BMP5: variants seen among roughly 807,000 people sequenced by gnomAD.
BMP5 encodes the protein bone morphogenetic protein 5.
Under a neutral mutation model 46.6 loss-of-function variants are expected in BMP5, and 23 were observed. The observed-to-expected ratio is 0.49, with a 90% confidence interval of 0.35 to 0.70. The LOEUF (loss-of-function observed/expected upper bound fraction) is 0.70, where lower values mean the gene tolerates loss of function less well. Ranked by LOEUF, BMP5 falls within the 30% of genes least tolerant of loss-of-function variation. The pLI is 0.00. For synonymous variants in BMP5, 204 were observed against 191.9 expected, an observed-to-expected ratio of 1.06 and a Z score of -0.52; for missense variants, 545 against 565.6, an observed-to-expected ratio of 0.96 and a Z score of 0.37.
intron 3 of BMP5, among the ~76,000 whole-genome samples, chr6:55,782,175 A>G (rs78292713): frequency 0.077 from 11,673 of 152,248 alleles, 494 homozygotes; most frequent in Middle Eastern, 0.14. Context: ...AATGATGGAT[A>G]TGATAATCAC....
rs1333701679 is a variant in BMP5, at chr6:55,753,857, G to C, written c.*1676C>G. ...TCAAGAACAGCAGAAATTAGCATCT[G>C]TTTAATATATTTTAAAATATGGAAA... On this transcript the variant is annotated 3_prime_UTR_variant, in exon 7 of 7. Transcript: ENST00000370830. 1 of 151,748 alleles carries C rather than the reference G, an allele frequency of 6.6e-6. No homozygotes were observed. The highest frequency in any genetic ancestry group is 1.5e-5 in the Non-Finnish European group (1 of 67,880). The allele number at this position is 151,748 out of a possible 1,614,324, so 9.4% of individuals were successfully genotyped here.
intron 3 of BMP5, among the ~76,000 whole-genome samples, chr6:55,785,418 AT>A (rs771755361): frequency 6.6e-6 from 1 of 151,826 alleles, no homozygotes; most frequent in Non-Finnish European, 1.5e-5. Context: ...CATGAAAGAC[AT>A]TTTGCTCATT....
intron 1 of BMP5, among the ~76,000 whole-genome samples, chr6:55,858,567 A>G (rs1777454743): frequency 6.6e-6 from 1 of 152,246 alleles, no homozygotes; most frequent in South Asian, 2.1e-4. Context: ...ATGGAAATAC[A>G]TAATATTAAT....
At chr6:55,842,429 C>T (rs1776984631) in intron 1 of BMP5, among the ~76,000 whole-genome samples, 1 of 152,146 alleles carries the variant, frequency 6.6e-6, no homozygotes, top group African/African-American at 2.4e-5. Context: ...CTGCTAGGCC[C>T]TGCAGAGTCT....
chr6:55,784,018 G>T (rs963608810), intron 3 of BMP5, among the ~76,000 whole-genome samples: 17 of 151,818 alleles, frequency 1.1e-4, no homozygotes, highest in African/African-American at 4.1e-4. Flanking sequence ...ATGTTTTTTA[G>T]TTGCGATGCT....
At chr6:55,778,971 G>A (rs1775243318) in intron 3 of BMP5, among the ~76,000 whole-genome samples, 1 of 152,036 alleles carries the variant, frequency 6.6e-6, no homozygotes, top group South Asian at 2.1e-4. Flanking sequence ...TAGTCACAGG[G>A]AAGGTAGACT....
At chr6:55,792,300 A>G (rs982460854) in intron 3 of BMP5, among the ~76,000 whole-genome samples, 12 of 152,088 alleles carry the variant, frequency 7.9e-5, no homozygotes, top group Non-Finnish European at 1.5e-4. Flanking sequence ...TTGGAAGGCC[A>G]AGGCGGGCGG....
intron 1 of BMP5, among the ~76,000 whole-genome samples, chr6:55,873,981 A>C (rs544505205): frequency 6.6e-6 from 1 of 152,028 alleles, no homozygotes; most frequent in African/African-American, 2.4e-5. Flanking sequence ...ATGTGCTTTA[A>C]ATCACTTAAA....
intron 1 of BMP5, among the ~76,000 whole-genome samples, chr6:55,852,982 TAGC>T (rs1188509960): frequency 2.6e-4 from 39 of 151,702 alleles, no homozygotes; most frequent in South Asian, 1.2e-3. Flanking sequence ...ATACAAAAAT[TAGC>T]TGGGCATGGT....
At chr6:55,829,481 A>C (rs1411490542) in intron 1 of BMP5, among the ~76,000 whole-genome samples, 1 of 151,626 alleles carries the variant, frequency 6.6e-6, no homozygotes, top group African/African-American at 2.4e-5. Context: ...AAATAGTATT[A>C]ATATTAGTTC....
At chr6:55,832,061 C>T (rs1158447078) in intron 1 of BMP5, among the ~76,000 whole-genome samples, 1 of 152,134 alleles carries the variant, frequency 6.6e-6, no homozygotes, top group Non-Finnish European at 1.5e-5. Context: ...GCTAACATCA[C>T]AAATATCCCA....
At chr6:55,821,613 G>A (rs947509453) in intron 1 of BMP5, among the ~76,000 whole-genome samples, 2 of 152,088 alleles carry the variant, frequency 1.3e-5, no homozygotes, top group African/African-American at 2.4e-5. Context: ...TCCTAAGAAA[G>A]GTCCATTTCC....
chr6:55,853,503 A>C (rs912468000), intron 1 of BMP5, among the ~76,000 whole-genome samples: 8 of 152,190 alleles, frequency 5.3e-5, no homozygotes, highest in African/African-American at 1.9e-4. Context: ...CACTTTCTGT[A>C]GAGGATTTAA....
At chr6:55,862,610 C>T (rs930844577) in intron 1 of BMP5, among the ~76,000 whole-genome samples, 1 of 152,124 alleles carries the variant, frequency 6.6e-6, no homozygotes, top group Non-Finnish European at 1.5e-5. Context: ...AAATTGAATG[C>T]TCTTGTATCC....
At chr6:55,777,379 A>G (rs1375159940) in intron 3 of BMP5, among the ~76,000 whole-genome samples, 8 of 152,016 alleles carry the variant, frequency 5.3e-5, no homozygotes, top group Non-Finnish European at 1.2e-4. Flanking sequence ...AAGCCTACCT[A>G]AAGCATTTTG....
chr6:55,760,107 C>T (rs1056004887), intron 5 of BMP5, among the ~76,000 whole-genome samples: 2 of 151,896 alleles, frequency 1.3e-5, no homozygotes, highest in African/African-American at 4.8e-5. Context: ...TGGAGACCCT[C>T]AGAGGCTTAG....
intron 6 of BMP5, among the ~76,000 whole-genome samples, chr6:55,756,649 C>A (rs964321519): frequency 2.6e-5 from 4 of 151,886 alleles, no homozygotes; most frequent in Non-Finnish European, 4.4e-5. Context: ...GTACAACGTC[C>A]TGGCTGAAAT....
At chr6:55,786,093 G>A (rs934110482) in intron 3 of BMP5, among the ~76,000 whole-genome samples, 3 of 151,754 alleles carry the variant, frequency 2.0e-5, no homozygotes, top group African/African-American at 7.2e-5. Flanking sequence ...AGAAAAACAT[G>A]TCTAACTTTC....
At chr6:55,755,880 A>T (rs1177698465) in intron 6 of BMP5, among the ~76,000 whole-genome samples, 198 bp from the exon 7 acceptor site, 1 of 151,958 alleles carries the variant, frequency 6.6e-6, no homozygotes, top group Non-Finnish European at 1.5e-5. Flanking sequence ...CAACCCAGCC[A>T]ATTCAATTAT....
Sources: gnomAD v4.1 joint callset for allele counts (sites outside exome capture counted in the v4.1 genomes callset) on GRCh38, gnomAD v4.1.1 for gene constraint, MANE v1.5 for transcripts, NCBI Gene and HGNC (gene_info 2026-07-23, HGNC 2026-07-21) for gene names.